Variants in SENP3 observed in about 807,000 individuals in gnomAD.
The protein encoded by SENP3 is SUMO specific peptidase 3, also known as sentrin-specific protease 3.
Under a neutral mutation model 66.2 loss-of-function variants are expected in SENP3, and 11 were observed. The ratio of observed to expected loss-of-function variants is 0.17; its 90% CI spans 0.10 to 0.28. The LOEUF is 0.28. Among genes scored for constraint, SENP3 ranks in the 10% least tolerant of loss-of-function variants. The pLI, the probability that SENP3 is intolerant of heterozygous loss-of-function variation, is 1.00. For synonymous variants in SENP3, 292 were observed against 277.6 expected (o/e 1.05, Z -0.52); for missense variants, 548 against 743.7 (o/e 0.74, Z 3.06).
rs913740088 is a variant in SENP3, at chr17:7,562,325, C to T, written c.-12+62C>T. 23 of 396,772 alleles carry T rather than the reference C, an allele frequency of 5.8e-5. No individual in the cohort carries two copies. Among genetic ancestry groups the T allele is most frequent in the Non-Finnish European group, 9.3e-5 (21 of 225,096 alleles). The allele number at this position is 396,772 out of a possible 1,614,324, so 24.6% of individuals were successfully genotyped here. A position where few individuals can be genotyped will look rare whatever the true frequency, so the allele number is the denominator to read the frequency against. ...TGGCCTCTCCCATTCCTGGGCCTCG[C>T]TCCCACCGAACCGGGGCCCAGAGGC... On this transcript the variant is annotated intron_variant, in intron 1 of 10. Transcript: ENST00000321337. This position sits in a 1 kb window ranked among gnomAD's most constrained non-coding sequence, Gnocchi z 5.0.
At position 7,563,180 on chromosome 17, in the gene SENP3, C is replaced by T. The variant is rs370338627; in HGVS notation, c.104C>T (p.Pro35Leu). 6.4e-7 allele frequency: 1 copy of T among 1,564,206 alleles called. No individual in the cohort carries two copies. The highest frequency in any genetic ancestry group is 8.7e-7 in the Non-Finnish European group (1 of 1,154,922). Residue 35 changes from proline (P) to leucine (L), a missense_variant, in exon 2 of 11, where the codon CCC becomes CTC. Around this residue, in one of 6 missense-constraint regions of SENP3, gnomAD observed 164 missense variants for 167.9 expected, o/e 0.98. Transcript: ENST00000321337. ...CCCAGGCGGGAGCGTCTTCGTTGGC[C>T]CCCACCTCCCAAACCCCGACTCAAG... ...SSPRRERLRWPPPPKPRLKSG... is the reference protein window; with the variant it reads ...SSPRRERLRWLPPPKPRLKSG...
At chr17:7,568,595 G>T (rs1156337740) in intron 7 of SENP3, among the ~76,000 whole-genome samples, 1 of 150,438 alleles carries the variant, frequency 6.6e-6, no homozygotes, top group African/African-American at 2.4e-5. Context: ...TCTCAAAAAA[G>T]AAAAAAAAAC....
chr17:7,566,021 T>C (rs2071264651), intron 6 of SENP3: 1 of 380,054 alleles, frequency 2.6e-6, no homozygotes, highest in Non-Finnish European at 4.7e-6. Flanking sequence ...GTAACTATTG[T>C]AAAACAAGAT....
chr17:7,565,237 C>G, intron 4 of SENP3, 167 bp downstream of exon 4: 4 of 803,202 alleles, frequency 5.0e-6, no homozygotes, highest in Non-Finnish European at 7.9e-6. Context: ...ATGGGAGAGT[C>G]TTTACCTGGG....
chr17:7,569,543 G>A (rs999224259), intron 7 of SENP3, among the ~76,000 whole-genome samples: 2 of 152,088 alleles, frequency 1.3e-5, no homozygotes, highest in Non-Finnish European at 2.9e-5. Flanking sequence ...TTCTCTTCTG[G>A]TTTCCCTGCC....
intron 5 of SENP3, 52 bp from the exon 6 acceptor site, chr17:7,565,665 C>CT: frequency 6.2e-7 from 1 of 1,612,860 alleles, no homozygotes; most frequent in Non-Finnish European, 8.5e-7. Context: ...TGGGGGAGCC[C>CT]TGTACCCATG....
chr17:7,569,088 A>G (rs1265452296), intron 7 of SENP3, among the ~76,000 whole-genome samples: 1 of 152,030 alleles, frequency 6.6e-6, no homozygotes, highest in African/African-American at 2.4e-5. Flanking sequence ...ATAGTAGGAA[A>G]GAAGATTTGT....
Position 7,571,657 on chromosome 17 carries a change from T to C in SENP3, c.*174T>C. The C allele has an allele frequency of 1.9e-6, 1 of 532,772 alleles. No individual in the cohort carries two copies. The allele number at this position is 532,772 out of a possible 1,614,324, so 33.0% of individuals were successfully genotyped here. On this transcript the variant is annotated 3_prime_UTR_variant, in exon 11 of 11. Coordinates refer to ENST00000321337, the MANE Select transcript of SENP3 (RefSeq NM_015670.6). ...TTTTCTTTGAGAGAATACTTGTTGATTTCTGATGTGCAGGGGGTGGCTACA... is the reference window on the plus strand; with the variant it reads ...TTTTCTTTGAGAGAATACTTGTTGACTTCTGATGTGCAGGGGGTGGCTACA...
chr17:7,565,887 A>G, intron 6 of SENP3, 123 bp downstream of exon 6: 2 of 764,818 alleles, frequency 2.6e-6, no homozygotes, highest in South Asian at 1.8e-5. Flanking sequence ...GAGAGGTGGT[A>G]GTGGTAGTGT....
Position 7,571,550 on chromosome 17 carries a change from T to TC in SENP3, c.*69dup. The stretch of plus-strand genomic sequence containing the variant: ...ACATGGGAGTCCCTTCCCAAGAAAC[T>TC]CCAGTTCCTTTCCTCTCTTGCCTCT... On this transcript the variant is annotated 3_prime_UTR_variant, in exon 11 of 11. Coordinates refer to ENST00000321337, the MANE Select transcript of SENP3 (RefSeq NM_015670.6). 1 of 1,074,826 alleles carries TC rather than the reference T, an allele frequency of 9.3e-7. No individual in the cohort carries two copies. Among genetic ancestry groups the TC allele is most frequent in the Non-Finnish European group, 1.4e-6 (1 of 702,668 alleles). The allele number at this position is 1,074,826 out of a possible 1,614,324, so 66.6% of individuals were successfully genotyped here.
chr17:7,564,099 C>G (rs2071247805), intron 2 of SENP3, among the ~76,000 whole-genome samples: 1 of 152,130 alleles, frequency 6.6e-6, no homozygotes, highest in South Asian at 2.1e-4. Flanking sequence ...CACACGAAAT[C>G]CCTTGTCGGC....
At position 7,563,439 on chromosome 17, in the gene SENP3, C is replaced by T. The variant is rs1359303529; in HGVS notation, c.363C>T (p.Thr121=). Residue 121 remains threonine (T), a synonymous_variant, in exon 2 of 11, where the codon ACC becomes ACT. Transcript: ENST00000321337. ...CTTCCCGCCCCACTCATCGAAAAAC[C>T]TGCTCACAGCGCCGCCGCCGAGCCA... ...PRPSRPTHRK[T]CSQRRRRAMR... is the part of the protein sequence containing the mutation. The T allele has an allele frequency of 9.5e-7, 1 of 1,052,290 alleles. No individual in the cohort carries two copies. Among genetic ancestry groups the T allele is most frequent in the Admixed American group, 2.3e-5 (1 of 42,614 alleles). The allele number at this position is 1,052,290 out of a possible 1,614,324, so 65.2% of individuals were successfully genotyped here. A position where few individuals can be genotyped will look rare whatever the true frequency, so the allele number is the denominator to read the frequency against.
rs146712887 is a variant in SENP3 at position 7,564,232 on chromosome 17, C to T, written c.716-393C>T. ...CAGTTGTGAAAGAATATTTCCCTTT[C>T]GGAGAACTCCAGCCAAACAGTTTCA... is the stretch of plus-strand genomic sequence containing the variant. On this transcript the variant is annotated intron_variant, in intron 2 of 10. Coordinates refer to ENST00000321337, the MANE Select transcript of SENP3 (RefSeq NM_015670.6). 3.6e-3 allele frequency: 1,431 copies of T among 398,606 alleles called. 28 individuals carry two copies. Among genetic ancestry groups the T allele is most frequent in the African/African-American group, 0.025 (1,228 of 48,572 alleles). The allele number at this position is 398,606 out of a possible 1,614,324, so 24.7% of individuals were successfully genotyped here.
chr17:7,564,877 T>C lies in SENP3; in HGVS notation c.955+13T>C, dbSNP rs1490084958. ...ACCTGCGTACAGAGTAAGGAGCCCTTAAGCAACTAGCCTCTCTCCCTTCTC... is the reference window on the plus strand; with the variant it reads ...ACCTGCGTACAGAGTAAGGAGCCCTCAAGCAACTAGCCTCTCTCCCTTCTC... On this transcript the variant is annotated intron_variant, in intron 3 of 10. Coordinates refer to ENST00000321337, the MANE Select transcript of SENP3 (RefSeq NM_015670.6). The C allele has an allele frequency of 2.5e-6, 4 of 1,603,386 alleles. No homozygotes were observed. Among genetic ancestry groups the C allele is most frequent in the Non-Finnish European group, 2.6e-6 (3 of 1,172,176 alleles).
chr17:7,566,374 G>A (rs979529720), intron 6 of SENP3, among the ~76,000 whole-genome samples: 20 of 149,688 alleles, frequency 1.3e-4, no homozygotes, highest in African/African-American at 4.9e-4. Flanking sequence ...AAACAACTTC[G>A]GCTGGGTGCG....
chr17:7,570,811 T>C lies in SENP3; in HGVS notation c.1563+47T>C, dbSNP rs1442022925. ...TATAGGGTGTTGGTGGGGACAGTGG[T>C]AGAAGGCAGAAATTGAAGTCCTACC... is the stretch of plus-strand genomic sequence containing the variant. On this transcript the variant is annotated intron_variant, in intron 9 of 10. Coordinates refer to ENST00000321337, the MANE Select transcript of SENP3 (RefSeq NM_015670.6). This position sits in a 1 kb window ranked among gnomAD's most constrained non-coding sequence, Gnocchi z 5.4. The C allele has an allele frequency of 6.2e-7, 1 of 1,601,964 alleles. No individual in the cohort carries two copies. Among genetic ancestry groups the C allele is most frequent in the Non-Finnish European group, 8.5e-7 (1 of 1,173,146 alleles).
intron 10 of SENP3, among the ~76,000 whole-genome samples, chr17:7,571,169 C>G (rs1191721545): frequency 6.6e-6 from 1 of 152,154 alleles, no homozygotes; most frequent in Non-Finnish European, 1.5e-5. Flanking sequence ...TGCTAACCTC[C>G]AACTCAGTGT....
Position 7,565,364 on chromosome 17 carries a change from T to C in SENP3, c.1068-76T>C. On this transcript the variant is annotated intron_variant, in intron 4 of 10. Coordinates refer to ENST00000321337, the MANE Select transcript of SENP3 (RefSeq NM_015670.6). ...AAAAGGGAGTCAGTTAGAATTTGTA[T>C]TCCAGGGAGTAGTAGGTATTTCTGT... The C allele has an allele frequency of 2.6e-6, 4 of 1,538,750 alleles. No homozygotes were observed. In the South Asian group the frequency reaches 3.5e-5, roughly 14 times the overall value.
intron 7 of SENP3, among the ~76,000 whole-genome samples, chr17:7,568,885 T>C (rs192322066): frequency 8.5e-5 from 13 of 152,288 alleles, no homozygotes; most frequent in Admixed American, 6.5e-4. Context: ...GGCATCAGAA[T>C]TGGGGGCAGC....
Sources: allele counts gnomAD v4.1 joint callset (sites outside exome capture counted in the v4.1 genomes callset), GRCh38; gene constraint gnomAD v4.1.1; regional missense constraint gnomAD v4.1.1; non-coding constraint Gnocchi (gnomAD v3.1); transcripts MANE v1.5; gene names NCBI Gene and HGNC (gene_info 2026-07-23, HGNC 2026-07-21).